The following FLT1 variants were observed in gnomAD, a reference collection of about 807,000 sequenced individuals.
The protein encoded by FLT1 is fms related receptor tyrosine kinase 1, also known as vascular endothelial growth factor receptor 1.
Under a neutral mutation model 156.3 loss-of-function variants are expected in FLT1, and 49 were observed. The observed-to-expected ratio is 0.31, with a 90% CI of 0.25 to 0.40. The LOEUF (loss-of-function observed/expected upper bound fraction) is 0.40. FLT1 is among the 10% of genes least tolerant of loss of function. The pLI, the probability that FLT1 is intolerant of heterozygous loss-of-function variation, is 1.00. For synonymous variants in FLT1, 594 were observed against 583.8 expected (o/e 1.02, Z -0.25); for missense variants, 1,322 against 1,637.2 (o/e 0.81, Z 3.32).
At chr13:28,379,178 A>C (rs1873970604) in intron 14 of FLT1, among the ~76,000 whole-genome samples, 1 of 152,122 alleles carries the variant, frequency 6.6e-6, no homozygotes, top group South Asian at 2.1e-4. Context: ...CCCTGTTTCT[A>C]CTAAAAATGC....
chr13:28,413,499 T>C (rs1393871864), intron 10 of FLT1, among the ~76,000 whole-genome samples: 1 of 152,126 alleles, frequency 6.6e-6, no homozygotes, highest in Non-Finnish European at 1.5e-5. Context: ...GGGTGTTTAC[T>C]TGGCTACACC....
In FLT1 at chr13:28,467,556, G is replaced by A; in HGVS notation, c.126C>T (p.Ile42=). ...GATGCAGTGTCTGGCCTGCTTGCATGATGTGCTGGGTGCCTTTTAAACTCA... is the reference window on the plus strand; with the variant it reads ...GATGCAGTGTCTGGCCTGCTTGCATAATGTGCTGGGTGCCTTTTAAACTCA... ...PELSLKGTQH[I]MQAGQTLHLQ... is the part of the protein sequence containing the mutation. The change falls in exon 2 of 30, where the codon ATC becomes ATT. Residue 42 remains isoleucine (I), a synonymous_variant. Transcript: ENST00000282397. 6.2e-7 allele frequency: 1 copy of A among 1,610,980 alleles called. No individual in the cohort carries two copies. Among genetic ancestry groups the A allele is most frequent in the South Asian group, 1.1e-5 (1 of 90,472 alleles).
Position 28,427,178 on chromosome 13 carries a change from G to T in FLT1, c.1417C>A (p.His473Asn). 1 of 1,614,000 alleles carries T rather than the reference G, an allele frequency of 6.2e-7. No homozygotes were observed. The highest frequency in any genetic ancestry group is 8.5e-7 in the Non-Finnish European group (1 of 1,179,896). ...CCCTACCTTGCTTCGGAATGATTAT[G>T]GTTACAGGGGTGCCAGAACCACTTG... ...TIKWFWHPCN[H>N]NHSEARCDFC... is the part of the protein sequence containing the mutation. The change falls in exon 10 of 30, where the codon CAT (histidine) becomes AAT (asparagine). Residue 473 changes from histidine to asparagine, a missense_variant. His to Asn is a moderately conservative substitution (Grantham distance 68). Transcript: ENST00000282397.
chr13:28,321,018 T>C (rs1309966407), intron 23 of FLT1, among the ~76,000 whole-genome samples: 2 of 152,160 alleles, frequency 1.3e-5, no homozygotes, highest in Non-Finnish European at 2.9e-5. Context: ...GTCTCCTCCA[T>C]AGTCAGCTAC....
At chr13:28,393,354 A>G (rs1874851924) in intron 12 of FLT1, among the ~76,000 whole-genome samples, 1 of 152,210 alleles carries the variant, frequency 6.6e-6, no homozygotes, top group Non-Finnish European at 1.5e-5. Context: ...AAAGGACGCC[A>G]GGGATGTCAT....
chr13:28,370,656 T>TA (rs1433786319), intron 14 of FLT1, among the ~76,000 whole-genome samples: 2 of 152,224 alleles, frequency 1.3e-5, no homozygotes, highest in East Asian at 3.8e-4. Context: ...TTCAGGCACT[T>TA]AAAAATGTGT....
At chr13:28,381,329 G>A (rs1874071913) in intron 14 of FLT1, among the ~76,000 whole-genome samples, 1 of 152,110 alleles carries the variant, frequency 6.6e-6, no homozygotes, top group Non-Finnish European at 1.5e-5. Flanking sequence ...GGTCAAGGTG[G>A]GTGGATCACT....
intron 16 of FLT1, among the ~76,000 whole-genome samples, chr13:28,341,580 T>G (rs566082525): frequency 5.4e-4 from 83 of 152,356 alleles, no homozygotes; most frequent in South Asian, 8.3e-4. Context: ...TCCATAAATG[T>G]TGGCTATAAT....
chr13:28,375,998 T>G (rs928022478), intron 14 of FLT1, among the ~76,000 whole-genome samples: 2 of 152,232 alleles, frequency 1.3e-5, no homozygotes, highest in African/African-American at 2.4e-5. Flanking sequence ...CTGATTCTAG[T>G]AGCCTGAGCG....
intron 29 of FLT1, among the ~76,000 whole-genome samples, chr13:28,305,940 G>T (rs1040049150): frequency 2.6e-5 from 4 of 152,142 alleles, no homozygotes; most frequent in Admixed American, 6.6e-5. Context: ...TAAAAAAATG[G>T]CTGCCTACCC....
chr13:28,466,744 A>C lies in FLT1; in HGVS notation c.388+159T>G, dbSNP rs1482108442. ...CTGGGCCTTGACAATTCTGGTTAAA[A>C]TTGACATCCACGAAAGTGTCTACAA... On this transcript the variant is annotated intron_variant, in intron 3 of 29. Transcript: ENST00000282397. 7.1e-6 allele frequency: 5 copies of C among 703,420 alleles called. No individual in the cohort carries two copies. In the African/African-American group the frequency reaches 8.7e-5, roughly 12 times the overall value. 43.6% of individuals were successfully genotyped at this position (703,420 alleles called of 1,614,324 possible).
chr13:28,402,487 G>A (rs1380475428), intron 11 of FLT1, among the ~76,000 whole-genome samples: 2 of 151,906 alleles, frequency 1.3e-5, no homozygotes, highest in African/African-American at 4.8e-5. Context: ...TTCAAGATAT[G>A]AACTCAATCA....
intron 24 of FLT1, among the ~76,000 whole-genome samples, chr13:28,319,002 G>A (rs1254574260): frequency 1.3e-5 from 2 of 152,188 alleles, no homozygotes; most frequent in African/African-American, 2.4e-5. Flanking sequence ...TTCCTCGCTG[G>A]GGCAGCTGAG....
chr13:28,316,948 GA>G (rs1199624376), intron 25 of FLT1, among the ~76,000 whole-genome samples: 1 of 152,114 alleles, frequency 6.6e-6, no homozygotes, highest in African/African-American at 2.4e-5. Flanking sequence ...GGATTCTAAA[GA>G]AGTTGTATTG....
Position 28,439,825 on chromosome 13 carries a change from G to C in FLT1, c.389-1480C>G, listed in dbSNP as rs1878240167. On this transcript the variant is annotated intron_variant, in intron 3 of 29. Coordinates refer to ENST00000282397, the MANE Select transcript of FLT1 (RefSeq NM_002019.4). This position sits in a 1 kb window ranked among gnomAD's most constrained non-coding sequence, Gnocchi z 4.1. ...GGGTTCTTCTGCAGGTTTCAGAAGG[G>C]GCATGGCCCAGATGATTTGATTTCA... Among the ~76,000 whole-genome samples the C allele has an allele frequency of 6.6e-6, 1 of 152,176 alleles. No individual in the cohort carries two copies. Among genetic ancestry groups the C allele is most frequent in the African/African-American group, 2.4e-5 (1 of 41,452 alleles).
intron 3 of FLT1, among the ~76,000 whole-genome samples, chr13:28,445,915 C>T (rs942823050): frequency 6.6e-6 from 1 of 151,944 alleles, no homozygotes; most frequent in African/African-American, 2.4e-5. Flanking sequence ...CAATAAAGTA[C>T]TAGCAAACTG....
At chr13:28,405,661 TTC>T (rs958567326) in intron 11 of FLT1, 117 bp downstream of exon 11, 5 of 715,592 alleles carry the variant, frequency 7.0e-6, no homozygotes, top group African/African-American at 5.2e-5. Context: ...ATTGTCTTTC[TTC>T]TCTCTGAATT....
intron 14 of FLT1, among the ~76,000 whole-genome samples, chr13:28,360,850 A>T (rs1350154638): frequency 6.6e-6 from 1 of 152,238 alleles, no homozygotes; most frequent in East Asian, 1.9e-4. Context: ...TGTTCCCACC[A>T]CAAAGAAATG....
At chr13:28,382,969 A>G (rs181920378) in intron 14 of FLT1, among the ~76,000 whole-genome samples, 1 of 152,342 alleles carries the variant, frequency 6.6e-6, no homozygotes, top group East Asian at 1.9e-4. Context: ...TTTTGTGTAG[A>G]GGACTTACAT....
Sources: allele counts gnomAD v4.1 joint callset (sites outside exome capture counted in the v4.1 genomes callset), GRCh38; gene constraint gnomAD v4.1.1; non-coding constraint Gnocchi (gnomAD v3.1); transcripts MANE v1.5; gene names NCBI Gene and HGNC (gene_info 2026-07-23, HGNC 2026-07-21).